Variants in CABIN1 observed in about 807,000 individuals in gnomAD.
The protein encoded by CABIN1 is calcineurin binding protein 1.
In CABIN1, 133 loss-of-function variants were observed where a neutral mutation model predicts 227.7. The ratio of observed to expected loss-of-function variants is 0.58; its 90% CI spans 0.51 to 0.67. The LOEUF (loss-of-function observed/expected upper bound fraction) is 0.67. Ranked by LOEUF, CABIN1 falls within the 30% of genes least tolerant of loss-of-function variation. CABIN1 has a pLI of 0.00. For missense variants in CABIN1, 2,408 were observed against 2,852.5 expected (o/e 0.84, Z 3.55); for synonymous variants, 1,086 against 1,155.1 (o/e 0.94, Z 1.21).
Position 24,056,204 on chromosome 22 carries a change from G to T in CABIN1, c.1106G>T (p.Gly369Val). ...ETGAPVGDISGGDKSKKGVKR... is the reference protein window; with the variant it reads ...ETGAPVGDISVGDKSKKGVKR... ...ATTCTTTGTGAAGGTGATATTTCTG[G>T]GGGAGATAAATCCAAGAAAGGGGTA... The change falls in exon 10 of 37, where the codon GGG (glycine) becomes GTG (valine). Residue 369 changes from glycine (G) to valine (V), a missense_variant. This residue lies in a region of CABIN1 where 1,045 missense variants were observed against 1,168.4 expected (regional missense o/e 0.89). Coordinates refer to ENST00000263119, the MANE Select transcript of CABIN1 (RefSeq NM_012295.4). The T allele has an allele frequency of 6.2e-7, 1 of 1,613,850 alleles. No homozygotes were observed. The highest frequency in any genetic ancestry group is 2.2e-5 in the East Asian group (1 of 44,884).
chr22:24,124,947 T>TA lies in CABIN1; in HGVS notation c.4632+5250dup, dbSNP rs559379257. Among the ~76,000 whole-genome samples the TA allele has an allele frequency of 2.1e-4, 32 of 152,240 alleles. No individual in the cohort carries two copies. In the South Asian group the frequency reaches 6.0e-3, roughly 29 times the overall value. ...ACTCATACTTCCCAGTTTCAAAACA[T>TA]ACTACAAATCTATAATATACTAATC... On this transcript the variant is annotated intron_variant, in intron 28 of 36. Coordinates refer to ENST00000263119, the MANE Select transcript of CABIN1 (RefSeq NM_012295.4).
In CABIN1 at chr22:24,135,207, A is replaced by G. The variant is rs549019067; in HGVS notation, c.4746+792A>G. On this transcript the variant is annotated intron_variant, in intron 29 of 36. Coordinates refer to ENST00000263119, the MANE Select transcript of CABIN1 (RefSeq NM_012295.4). ...GGAGTTCAAGACCAGCCTGGCCAAC[A>G]TGGTGAAACCCTGTCTCTACTAAAA... 8.5e-4 allele frequency among the ~76,000 whole-genome samples: 129 copies of G among 152,034 alleles called. 1 individual carries two copies. Among genetic ancestry groups the G allele is most frequent in the African/African-American group, 3.0e-3 (126 of 41,428 alleles).
rs372292785 is a variant in CABIN1 at position 24,098,009 on chromosome 22, C to T, written c.3939-5C>T. 9.3e-5 allele frequency: 150 copies of T among 1,614,072 alleles called. No homozygotes were observed. Among genetic ancestry groups the T allele is most frequent in the Non-Finnish European group, 1.1e-4 (130 of 1,180,040 alleles). Reference sequence around the variant, plus strand: ...GACCTGTGCCCCAAACCTCTGTTCCCACAGGGAGAAGGCCTGCCTGGTGGA... The same window carrying T: ...GACCTGTGCCCCAAACCTCTGTTCCTACAGGGAGAAGGCCTGCCTGGTGGA... On this transcript the variant is annotated splice_region_variant and splice_polypyrimidine_tract_variant and intron_variant, in intron 25 of 36. Transcript: ENST00000263119.
chr22:24,013,197 CTTTTTT>C (rs35584227), intron 1 of CABIN1, among the ~76,000 whole-genome samples: 3 of 113,514 alleles, frequency 2.6e-5, no homozygotes, highest in African/African-American at 1.1e-4. Context: ...TCTTTTTAAG[CTTTTTT>C]TTTTTTTTTT....
chr22:24,073,968 G>A (rs569967131), intron 18 of CABIN1, among the ~76,000 whole-genome samples: 8 of 151,964 alleles, frequency 5.3e-5, no homozygotes, highest in Admixed American at 1.3e-4. Context: ...TCATTCTTAC[G>A]GGTCATGCCG....
chr22:24,140,700 C>T (rs1010118975), intron 29 of CABIN1, among the ~76,000 whole-genome samples: 1 of 152,168 alleles, frequency 6.6e-6, no homozygotes, highest in African/African-American at 2.4e-5. Flanking sequence ...TTGTTTCAAC[C>T]CAGTTTCCAG....
At chr22:24,143,021 G>A (rs1200395217) in intron 29 of CABIN1, among the ~76,000 whole-genome samples, 7 of 152,180 alleles carry the variant, frequency 4.6e-5, no homozygotes, top group Admixed American at 3.9e-4. Flanking sequence ...CAGCTGTGTG[G>A]TCCAAAAGGG....
chr22:24,107,644 G>T (rs548027560), intron 26 of CABIN1, among the ~76,000 whole-genome samples: 1 of 152,314 alleles, frequency 6.6e-6, no homozygotes, highest in African/African-American at 2.4e-5. Flanking sequence ...GATGGATCCT[G>T]GTTCCTTCAC....
At chr22:24,151,083 G>C (rs2045456421) in intron 29 of CABIN1, among the ~76,000 whole-genome samples, 1 of 152,142 alleles carries the variant, frequency 6.6e-6, no homozygotes, top group African/African-American at 2.4e-5. Context: ...AGTGGGATGT[G>C]AGCCTACTTG....
At chr22:24,076,020 C>CAAA (rs71226739) in intron 18 of CABIN1, 149 bp from the exon 19 acceptor site, 16 of 530,006 alleles carry the variant, frequency 3.0e-5, no homozygotes, top group Admixed American at 7.6e-5. Flanking sequence ...TTTAAAAAGG[C>CAAA]AAAAAAAAAA....
intron 29 of CABIN1, among the ~76,000 whole-genome samples, chr22:24,135,129 G>T (rs558754910): frequency 1.3e-5 from 2 of 150,638 alleles, no homozygotes; most frequent in African/African-American, 4.9e-5. Flanking sequence ...AGTGGCTCAC[G>T]CCTGTAATCC....
intron 1 of CABIN1, among the ~76,000 whole-genome samples, chr22:24,013,266 G>A (rs967618484): frequency 5.4e-5 from 7 of 130,430 alleles, no homozygotes; most frequent in Non-Finnish European, 7.6e-5. Flanking sequence ...GTGCGATCTC[G>A]CCTCACTGCA....
intron 19 of CABIN1, among the ~76,000 whole-genome samples, chr22:24,076,665 T>C (rs1479419936): frequency 6.6e-6 from 1 of 152,170 alleles, no homozygotes; most frequent in East Asian, 1.9e-4. Flanking sequence ...TTGAGTCCTG[T>C]TTACTAAGCA....
chr22:24,045,838 G>A (rs2037832914), intron 6 of CABIN1, among the ~76,000 whole-genome samples: 1 of 152,118 alleles, frequency 6.6e-6, no homozygotes, highest in Admixed American at 6.5e-5. Flanking sequence ...AGATAGATGA[G>A]GCCTTGCTCA....
At position 24,063,017 on chromosome 22, in the gene CABIN1, A is replaced by G. The variant is rs1464818479; in HGVS notation, c.1755A>G (p.Pro585=). ...ATGGCAGATTTGGACCTGACTTCCCAGGGACCCACTGCCTGGGTGACCTCC... is the reference window on the plus strand; with the variant it reads ...ATGGCAGATTTGGACCTGACTTCCCGGGGACCCACTGCCTGGGTGACCTCC... The part of the protein sequence containing the change: ...MVNGRFGPDF[P]GTHCLGDLLQ... Residue 585 remains proline (P), a synonymous_variant, in exon 14 of 37, where the codon CCA becomes CCG. Transcript: ENST00000263119. 2 of 1,614,088 alleles carry G rather than the reference A, an allele frequency of 1.2e-6. No individual in the cohort carries two copies. Among genetic ancestry groups the G allele is most frequent in the African/African-American group, 1.3e-5 (1 of 74,930 alleles).
chr22:24,092,042 G>C (rs1007482186), intron 24 of CABIN1, 199 bp downstream of exon 24: 1 of 657,460 alleles, frequency 1.5e-6, no homozygotes, highest in African/African-American at 1.8e-5. Context: ...ATCCTTTCTG[G>C]GAGAGTGACC....
intron 17 of CABIN1, 47 bp from the exon 18 acceptor site, chr22:24,072,307 C>T (rs1406330224): frequency 1.2e-6 from 2 of 1,611,760 alleles, no homozygotes; most frequent in Admixed American, 3.3e-5. Flanking sequence ...GCCCTGAAGG[C>T]TTACCCTGCT....
intron 23 of CABIN1, 73 bp downstream of exon 23, chr22:24,087,786 C>T (rs965125500): frequency 1.6e-5 from 25 of 1,575,954 alleles, no homozygotes; most frequent in Non-Finnish European, 2.2e-5. Flanking sequence ...CAACGAAGCT[C>T]TGTCTCATTC....
rs750956212 is a variant in CABIN1 at position 24,066,973 on chromosome 22, C to T, written c.2038-14C>T. The T allele has an allele frequency of 1.8e-5, 29 of 1,613,842 alleles. No individual in the cohort carries two copies. In the East Asian group the frequency reaches 2.0e-4, roughly 11 times the overall value. On this transcript the variant is annotated splice_polypyrimidine_tract_variant and intron_variant, in intron 15 of 36. Transcript: ENST00000263119. ...GGGGTTTACCCTCATACAGCATTGC[C>T]GGGCCTTTTTCAGATTGATAAGAAC...
Sources: allele counts gnomAD v4.1 joint callset (sites outside exome capture counted in the v4.1 genomes callset), GRCh38; gene constraint gnomAD v4.1.1; regional missense constraint gnomAD v4.1.1; transcripts MANE v1.5; gene names NCBI Gene and HGNC (gene_info 2026-07-23, HGNC 2026-07-21).